Variants in KLF12 observed in about 807,000 individuals in gnomAD.
The protein encoded by KLF12 is KLF transcription factor 12.
A neutral mutation model predicts 37.8 loss-of-function variants in KLF12; 9 were observed. The ratio of observed to expected loss-of-function variants is 0.24; its 90% CI spans 0.14 to 0.42. KLF12 has a LOEUF of 0.42. Ranked by LOEUF, KLF12 falls within the 10% of genes least tolerant of loss-of-function variation. The probability of loss-of-function intolerance (pLI) is 1.00; values close to 1 mark genes in which losing one functional copy is unlikely to be tolerated. For missense variants in KLF12, 411 were observed against 516.0 expected, an observed-to-expected ratio of 0.80 and a Z score of 1.97; for synonymous variants, 208 against 202.1, an observed-to-expected ratio of 1.03 and a Z score of -0.25.
chr13:74,048,292 A>G lies in KLF12; in HGVS notation c.-31-53239T>C, dbSNP rs1893600689. ...CAGCCACACACACAATGAAAATTCT[A>G]TTGTCACGGAAGAAGAAAGGAAGGA... On this transcript the variant is annotated intron_variant, in intron 1 of 7. Transcript: ENST00000377669. 2.6e-5 allele frequency among the ~76,000 whole-genome samples: 4 copies of G among 152,112 alleles called. No individual in the cohort carries two copies. The South Asian group carries it at 8.3e-4, about 32-fold the overall frequency.
At chr13:73,734,249 A>G (rs1877279713) in intron 6 of KLF12, among the ~76,000 whole-genome samples, 1 of 152,086 alleles carries the variant, frequency 6.6e-6, no homozygotes, top group Non-Finnish European at 1.5e-5. Flanking sequence ...CAATCTAGAT[A>G]GCCTCTCCTG....
chr13:73,967,111 A>G (rs1891190469), intron 2 of KLF12, among the ~76,000 whole-genome samples: 2 of 152,206 alleles, frequency 1.3e-5, no homozygotes, highest in Non-Finnish European at 2.9e-5. Context: ...TGCAAATGTA[A>G]CACTTCCCAA....
chr13:73,741,283 C>T (rs1225129941), intron 6 of KLF12, among the ~76,000 whole-genome samples: 1 of 152,102 alleles, frequency 6.6e-6, no homozygotes, highest in Non-Finnish European at 1.5e-5. Flanking sequence ...GCCGTGGCAA[C>T]CCACGATGCC....
the KLF12 span, among the ~76,000 whole-genome samples, chr13:74,254,004 CT>C: frequency 2.8e-3 from 428 of 152,128 alleles, 5 homozygotes; most frequent in Non-Finnish European, 4.8e-3. Context: ...CTCTCTTTTC[CT>C]CTTTCTCTCC....
chr13:73,863,385 C>A (rs945050325), intron 3 of KLF12, among the ~76,000 whole-genome samples: 1 of 152,070 alleles, frequency 6.6e-6, no homozygotes, highest in Non-Finnish European at 1.5e-5. Context: ...GCTCTTGTTC[C>A]GTGACCATAA....
intron 6 of KLF12, among the ~76,000 whole-genome samples, chr13:73,728,155 A>G (rs1014066580): frequency 3.3e-5 from 5 of 152,226 alleles, no homozygotes; most frequent in African/African-American, 1.2e-4. Flanking sequence ...TGTAGTTTTC[A>G]ACGTTCAAGC....
intron 2 of KLF12, among the ~76,000 whole-genome samples, chr13:73,986,680 C>CA (rs1333788939): frequency 6.6e-6 from 1 of 151,884 alleles, no homozygotes; most frequent in Non-Finnish European, 1.5e-5. Flanking sequence ...TAGGATAGGC[C>CA]AAAGTAATCA....
intron 1 of KLF12, among the ~76,000 whole-genome samples, chr13:74,090,416 G>A (rs904693925): frequency 1.6e-4 from 25 of 151,950 alleles, no homozygotes; most frequent in Admixed American, 6.6e-4. Context: ...ATATCAGAGT[G>A]GTACATATGT....
At chr13:74,238,792 T>G in the KLF12 span, among the ~76,000 whole-genome samples, 1 of 152,148 alleles carries the variant, frequency 6.6e-6, no homozygotes, top group African/African-American at 2.4e-5. Context: ...TGATATCCCC[T>G]TTATCATTTT....
intron 3 of KLF12, among the ~76,000 whole-genome samples, chr13:73,907,399 C>A (rs1171735952): frequency 2.0e-5 from 3 of 152,114 alleles, no homozygotes; most frequent in Non-Finnish European, 4.4e-5. Context: ...CTATCCTATC[C>A]TCTTTGCTCT....
intron 3 of KLF12, among the ~76,000 whole-genome samples, chr13:73,922,902 G>A (rs1889187025): frequency 1.3e-5 from 2 of 152,156 alleles, no homozygotes; most frequent in Non-Finnish European, 1.5e-5. Flanking sequence ...GGCCTCCTCT[G>A]TAGGGTGGCT....
chr13:73,964,479 T>A (rs970621146), intron 2 of KLF12, among the ~76,000 whole-genome samples: 3 of 151,908 alleles, frequency 2.0e-5, no homozygotes, highest in Admixed American at 6.6e-5. Flanking sequence ...TCTATAAGAA[T>A]CTTAGGTCAG....
intron 1 of KLF12, among the ~76,000 whole-genome samples, chr13:74,092,998 C>T (rs1056579847): frequency 1.3e-5 from 2 of 152,174 alleles, no homozygotes; most frequent in African/African-American, 4.8e-5. Context: ...CAACTACGCA[C>T]TTGAGGGGAA....
chr13:73,996,653 A>G (rs1366307152), intron 1 of KLF12, among the ~76,000 whole-genome samples: 2 of 152,254 alleles, frequency 1.3e-5, no homozygotes, highest in East Asian at 3.8e-4. Flanking sequence ...CGAATCACAC[A>G]TAAACACCCT....
At chr13:74,003,348 T>C (rs1204958436) in intron 1 of KLF12, among the ~76,000 whole-genome samples, 1 of 152,156 alleles carries the variant, frequency 6.6e-6, no homozygotes, top group Non-Finnish European at 1.5e-5. Context: ...TGTGAAAATA[T>C]GCATAACTTA....
chr13:74,020,083 T>C (rs1383938949), intron 1 of KLF12, among the ~76,000 whole-genome samples: 12 of 152,212 alleles, frequency 7.9e-5, no homozygotes, highest in Non-Finnish European at 8.8e-5. Context: ...AATTTGGTTA[T>C]AAAAAAGACT....
chr13:74,064,076 C>A (rs1873764898), intron 1 of KLF12, among the ~76,000 whole-genome samples: 1 of 152,008 alleles, frequency 6.6e-6, no homozygotes, highest in Non-Finnish European at 1.5e-5. Flanking sequence ...TATCCCTGTC[C>A]CCAAAAGAGG....
chr13:73,979,704 C>T (rs978836368), intron 2 of KLF12, among the ~76,000 whole-genome samples: 5 of 151,984 alleles, frequency 3.3e-5, no homozygotes, highest in African/African-American at 9.7e-5. Context: ...ACAGATACAG[C>T]GAGGTTAAAC....
the KLF12 span, among the ~76,000 whole-genome samples, chr13:74,140,435 G>A: frequency 6.6e-6 from 1 of 152,148 alleles, no homozygotes; most frequent in South Asian, 2.1e-4. Flanking sequence ...TGAGGTGGGA[G>A]GATTGCCTGG....
Sources: allele counts gnomAD v4.1 joint callset (sites outside exome capture counted in the v4.1 genomes callset), GRCh38; gene constraint gnomAD v4.1.1; transcripts MANE v1.5; gene names NCBI Gene and HGNC (gene_info 2026-07-23, HGNC 2026-07-21).